The following FAT2 variants were observed in gnomAD, a reference collection of about 807,000 sequenced individuals.
FAT2 encodes protocadherin Fat 2.
In FAT2, 150 loss-of-function variants were observed where a neutral mutation model predicts 295.3. That is an observed-to-expected ratio of 0.51 (90% confidence interval 0.44 to 0.58). FAT2 has a LOEUF of 0.58. Ranked by LOEUF, FAT2 falls within the 20% of genes least tolerant of loss-of-function variation. The pLI, the probability that FAT2 is intolerant of heterozygous loss-of-function variation, is 0.00. For missense variants in FAT2, 4,868 were observed against 5,442.7 expected, an observed-to-expected ratio of 0.89 and a Z score of 3.32; for synonymous variants, 2,026 against 2,150.3, an observed-to-expected ratio of 0.94 and a Z score of 1.60.
intron 1 of FAT2, among the ~76,000 whole-genome samples, chr5:151,585,734 T>C (rs895081417): frequency 6.6e-6 from 1 of 152,224 alleles, no homozygotes; most frequent in Non-Finnish European, 1.5e-5. Context: ...TTCTCTAATA[T>C]ATGCTTCCAA....
chr5:151,569,053 G>T, intron 1 of FAT2, 102 bp from the exon 2 acceptor site: 1 of 1,157,188 alleles, frequency 8.6e-7, no homozygotes, highest in Non-Finnish European at 1.2e-6. Context: ...AGGGACACTT[G>T]GCAATGTCTG....
chr5:151,584,968 G>A (rs1425622021), intron 1 of FAT2, among the ~76,000 whole-genome samples: 1 of 152,134 alleles, frequency 6.6e-6, no homozygotes. Context: ...TAAGTAATTT[G>A]TATTTTTTAA....
chr5:151,522,821 T>C (rs907035076), intron 18 of FAT2, among the ~76,000 whole-genome samples: 12 of 152,124 alleles, frequency 7.9e-5, no homozygotes, highest in Non-Finnish European at 8.8e-5. Flanking sequence ...TCACTGGTGC[T>C]GGAGCAAGTG....
At chr5:151,554,285 C>T (rs996178807) in intron 5 of FAT2, 77 bp downstream of exon 5, 5 of 1,371,364 alleles carry the variant, frequency 3.6e-6, no homozygotes, top group Admixed American at 2.1e-5. Context: ...GGGCTGTCTC[C>T]CTCCTCCTGA....
At chr5:151,568,987 G>A (rs982227368) in intron 1 of FAT2, 36 bp from the exon 2 acceptor site, 22 of 1,519,296 alleles carry the variant, frequency 1.4e-5, no homozygotes, top group Non-Finnish European at 1.8e-5. Flanking sequence ...GCAAGTTAGG[G>A]GGAAAAAATG....
intron 2 of FAT2, among the ~76,000 whole-genome samples, chr5:151,565,311 A>C (rs1031939239): frequency 2.0e-5 from 3 of 152,072 alleles, no homozygotes; most frequent in Non-Finnish European, 4.4e-5. Context: ...ATACAAAGAA[A>C]GAAACTTTAG....
rs1270214144 is a variant in FAT2 at position 151,543,263 on chromosome 5, A to G, written c.7864T>C (p.Tyr2622His). ...ACTAGGTCCTCTGGGTTCACTGAGTAGGTGACATCTGCGTTCTGACCTTCA... is the reference window on the plus strand; with the variant it reads ...ACTAGGTCCTCTGGGTTCACTGAGTGGGTGACATCTGCGTTCTGACCTTCA... ...ADEGQNADVTYSVNPEDLVKD... is the reference protein window; with the variant it reads ...ADEGQNADVTHSVNPEDLVKD... Residue 2622 changes from tyrosine to histidine, a missense_variant, in exon 10 of 24, where the codon TAC (tyrosine) becomes CAC (histidine). By Grantham distance (83) the Tyr-to-His change is moderately conservative (BLOSUM62 2). Coordinates refer to ENST00000261800, the MANE Select transcript of FAT2 (RefSeq NM_001447.3). 3.1e-6 allele frequency: 5 copies of G among 1,614,200 alleles called. No homozygotes were observed. Among genetic ancestry groups the G allele is most frequent in the South Asian group, 1.1e-5 (1 of 91,086 alleles).
intron 3 of FAT2, among the ~76,000 whole-genome samples, chr5:151,557,962 C>G (rs544366550): frequency 6.6e-6 from 1 of 152,306 alleles, no homozygotes; most frequent in African/African-American, 2.4e-5. Flanking sequence ...ACCCACTAAT[C>G]CCCTCTGTGC....
In FAT2 at chr5:151,565,747, C is replaced by T. The variant is rs371491832; in HGVS notation, c.3185G>A (p.Gly1062Asp). 1.9e-5 allele frequency: 31 copies of T among 1,613,514 alleles called. No individual in the cohort carries two copies. The highest frequency in any genetic ancestry group is 2.5e-5 in the Non-Finnish European group (29 of 1,179,834). The stretch of plus-strand genomic sequence containing the variant: ...GAAGTACTGGAGCTCCCCATCCAAG[C>T]CACTGTCATCGTCCTGGGCAGCCAC... ...IVVAAQDDDS[G>D]LDGELQYFLR... The change falls in exon 2 of 24, where the codon GGC (glycine) becomes GAC (aspartate). Residue 1062 changes from glycine (G) to aspartate (D), a missense_variant. Gly to Asp is a moderately conservative substitution (Grantham distance 94, BLOSUM62 -1). Transcript: ENST00000261800.
rs374886263 is a variant in FAT2 at position 151,563,562 on chromosome 5, C to G, written c.3337G>C (p.Gly1113Arg). 1 of 1,614,126 alleles carries G rather than the reference C, an allele frequency of 6.2e-7. No homozygotes were observed. The highest frequency in any genetic ancestry group is 1.7e-5 in the Admixed American group (1 of 60,008). Residue 1113 changes from glycine to arginine, a missense_variant, in exon 3 of 24, where the codon GGT becomes CGT. Physicochemically the swap from Gly to Arg is moderately radical, Grantham distance 125 (BLOSUM62 -2). This residue lies in a region of FAT2 where 3,297 missense variants were observed against 3,669.4 expected (regional missense o/e 0.90). Coordinates refer to ENST00000261800, the MANE Select transcript of FAT2 (RefSeq NM_001447.3). ...GTTACAGAAGAGAGGGGCACAGAAC[C>G]CCTGTCCACTGCTAATACCGTCAAC... ...YWLTVLAVDR[G>R]SVPLSSVTEV...
chr5:151,545,189 T>C lies in FAT2; in HGVS notation c.5938A>G (p.Asn1980Asp), dbSNP rs760027968. ...ACCAGTGCCTTTCTGTCCTGCAAGT[T>C]CTCCTTCACAGCTGCCCAGTAGACA... ...QDVYWAAVKE[N>D]LQDRKALVIL... Residue 1980 changes from asparagine (N) to aspartate (D), a missense_variant, in exon 10 of 24, where the codon AAC (asparagine) becomes GAC (aspartate). By Grantham distance (23) the Asn-to-Asp change is conservative. Around this residue, in one of 5 missense-constraint regions of FAT2, gnomAD observed 3,297 missense variants for 3,669.4 expected, o/e 0.90. Transcript: ENST00000261800. 1 of 1,614,154 alleles carries C rather than the reference T, an allele frequency of 6.2e-7. No individual in the cohort carries two copies. Among genetic ancestry groups the C allele is most frequent in the South Asian group, 1.1e-5 (1 of 91,076 alleles).
In FAT2 at chr5:151,521,328, C is replaced by T. The variant is rs2127579221; in HGVS notation, c.11265G>A (p.Arg3755=). The T allele has an allele frequency of 1.2e-6, 2 of 1,613,692 alleles. No homozygotes were observed. The highest frequency in any genetic ancestry group is 1.7e-6 in the Non-Finnish European group (2 of 1,179,640). ...GGTGCCGCGGGGTTAGGATGCTGAG[C>T]CTGGCGGTGCTGTACGTGGGCCCAA... is the stretch of plus-strand genomic sequence containing the variant. ...PKVGPTYSTA[R]LSILTPRHHL... Residue 3755 remains arginine (R), a synonymous_variant, in exon 19 of 24, where the codon AGG becomes AGA. Coordinates refer to ENST00000261800, the MANE Select transcript of FAT2 (RefSeq NM_001447.3).
intron 4 of FAT2, 44 bp from the exon 5 acceptor site, chr5:151,554,717 A>T (rs987427000): frequency 6.8e-7 from 1 of 1,467,704 alleles, no homozygotes; most frequent in Non-Finnish European, 9.4e-7. Context: ...GACAATTGCA[A>T]ATTAGTGACT....
intron 17 of FAT2, 75 bp from the exon 18 acceptor site, chr5:151,526,040 GTCA>G: frequency 7.0e-7 from 1 of 1,434,158 alleles, no homozygotes; most frequent in Non-Finnish European, 9.6e-7. Context: ...GTCTGGGTAT[GTCA>G]TCTGGAATGA....
At chr5:151,589,972 A>G (rs1759333731) in intron 1 of FAT2, among the ~76,000 whole-genome samples, 1 of 152,198 alleles carries the variant, frequency 6.6e-6, no homozygotes, top group South Asian at 2.1e-4. Context: ...GTTCAGACAT[A>G]GGCCCAGAGA....
At chr5:151,592,603 A>G (rs1401204571), upstream of FAT2, among the ~76,000 whole-genome samples, 1 of 152,224 alleles carries the variant, frequency 6.6e-6, no homozygotes, top group Non-Finnish European at 1.5e-5. Context: ...TGGTTAATAA[A>G]TAAGAATTAT....
chr5:151,550,301 C>A (rs1486782061), intron 8 of FAT2, among the ~76,000 whole-genome samples: 1 of 152,204 alleles, frequency 6.6e-6, no homozygotes, highest in African/African-American at 2.4e-5. Context: ...CATGAATCCA[C>A]ATTGTGTCAT....
In FAT2 at chr5:151,534,496, A is replaced by G; in HGVS notation, c.9340T>C (p.Phe3114Leu). The G allele has an allele frequency of 6.2e-7, 1 of 1,614,036 alleles. No individual in the cohort carries two copies. Among genetic ancestry groups the G allele is most frequent in the South Asian group, 1.1e-5 (1 of 91,056 alleles). The change falls in exon 13 of 24, where the codon TTC becomes CTC. Residue 3114 changes from phenylalanine (F) to leucine (L), a missense_variant. Coordinates refer to ENST00000261800, the MANE Select transcript of FAT2 (RefSeq NM_001447.3). ...EDVNDNAPRF[F>L]PSHCAVAVFD... ...ACAGCCACAGCACAGTGGCTGGGGA[A>G]GAACCGCGGGGCATTGTCATTCACA...
chr5:151,525,670 T>G, intron 18 of FAT2, 98 bp downstream of exon 18: 2 of 1,366,692 alleles, frequency 1.5e-6, no homozygotes, highest in Non-Finnish European at 2.1e-6. Flanking sequence ...CTAAGTGCTT[T>G]GTACATTTTT....
Sources: allele counts gnomAD v4.1 joint callset (sites outside exome capture counted in the v4.1 genomes callset), GRCh38; gene constraint gnomAD v4.1.1; regional missense constraint gnomAD v4.1.1; transcripts MANE v1.5; gene names NCBI Gene and HGNC (gene_info 2026-07-23, HGNC 2026-07-21).